WTIP: variants seen among roughly 807,000 people sequenced by gnomAD.
The protein encoded by WTIP is Wilms tumor protein 1-interacting protein.
In WTIP, 23 loss-of-function variants were observed where a neutral mutation model predicts 41.7. The observed-to-expected ratio is 0.55, with a 90% CI of 0.40 to 0.78. The LOEUF is 0.78. WTIP is among the 30% of genes least tolerant of loss of function. The probability of loss-of-function intolerance (pLI) is 0.00; values close to 1 mark genes in which losing one functional copy is unlikely to be tolerated. For missense variants in WTIP, 619 were observed against 610.5 expected (o/e 1.01, Z -0.15); for synonymous variants, 314 against 269.9 (o/e 1.16, Z -1.60).
intron 1 of WTIP, among the ~76,000 whole-genome samples, chr19:34,484,245 TGAG>T (rs2075786201): frequency 6.6e-6 from 1 of 151,064 alleles, no homozygotes; most frequent in Non-Finnish European, 1.5e-5. Context: ...TCTTGAGGGG[TGAG>T]GAGTCTGTCA....
intron 7 of WTIP, among the ~76,000 whole-genome samples, chr19:34,498,315 T>C (rs568399389): frequency 6.6e-6 from 1 of 152,224 alleles, no homozygotes; most frequent in Non-Finnish European, 1.5e-5. Context: ...GGGGTGGCAT[T>C]CATCCCTTCA....
rs1180504315 is a variant in WTIP, at chr19:34,503,601, A to ACCTGTG, written c.*3343_*3348dup. ...CCCCACTGATGTGGTCTCTGCTGAC[A>ACCTGTG]CCTGTGCCTGTGCCTGGGGTCCCTG... On this transcript the variant is annotated 3_prime_UTR_variant, in exon 8 of 8. Coordinates refer to ENST00000590071, the MANE Select transcript of WTIP (RefSeq NM_001080436.2). 6.5e-6 allele frequency: 1 copy of ACCTGTG among 152,720 alleles called. No individual in the cohort carries two copies. Among genetic ancestry groups the ACCTGTG allele is most frequent in the Admixed American group, 6.5e-5 (1 of 15,278 alleles). The allele number at this position is 152,720 out of a possible 1,614,324, so 9.5% of individuals were successfully genotyped here.
chr19:34,488,618 C>T (rs1390348996), intron 1 of WTIP, among the ~76,000 whole-genome samples: 3 of 152,210 alleles, frequency 2.0e-5, no homozygotes, highest in East Asian at 2.0e-4. Flanking sequence ...CCTCCCACTT[C>T]GGCCTCCCAA....
chr19:34,497,764 A>G (rs1298329194), intron 7 of WTIP, among the ~76,000 whole-genome samples: 2 of 152,158 alleles, frequency 1.3e-5, no homozygotes, highest in Non-Finnish European at 2.9e-5. Context: ...CGATTGTGTC[A>G]GGGTACCCAG....
intron 7 of WTIP, 44 bp from the exon 8 acceptor site, chr19:34,500,085 G>A (rs765865322): frequency 3.8e-6 from 6 of 1,590,770 alleles, no homozygotes; most frequent in East Asian, 4.5e-5. Flanking sequence ...TCTGATGTGC[G>A]CTTGTCTGCT....
Position 34,504,226 on chromosome 19 carries a change from A to G in WTIP, c.*3957A>G, listed in dbSNP as rs887371845. The G allele has an allele frequency of 3.2e-5, 4 of 124,194 alleles. No individual in the cohort carries two copies. The highest frequency in any genetic ancestry group is 1.8e-4 in the African/African-American group (4 of 22,726). 7.7% of individuals were successfully genotyped at this position (124,194 alleles called of 1,614,324 possible). On this transcript the variant is annotated 3_prime_UTR_variant, in exon 8 of 8. Coordinates refer to ENST00000590071, the MANE Select transcript of WTIP (RefSeq NM_001080436.2). Reference sequence around the variant, plus strand: ...AGGGGGAAAGATACGGAGACAGGATAAGCTGCAGAGAGAGAGGGAGAGAGG... The same window carrying G: ...AGGGGGAAAGATACGGAGACAGGATGAGCTGCAGAGAGAGAGGGAGAGAGG...
chr19:34,492,935 C>A, intron 2 of WTIP, 102 bp from the exon 3 acceptor site: 1 of 1,121,976 alleles, frequency 8.9e-7, no homozygotes, highest in Admixed American at 1.8e-5. Context: ...CACCCATAAC[C>A]CAGTGTCTCA....
At chr19:34,486,368 G>GTTT (rs958334274) in intron 1 of WTIP, among the ~76,000 whole-genome samples, 2 of 132,034 alleles carry the variant, frequency 1.5e-5, no homozygotes, top group African/African-American at 2.8e-5. Context: ...TTGTCAGTTT[G>GTTT]TTTTTTTTTT....
intron 1 of WTIP, among the ~76,000 whole-genome samples, chr19:34,483,699 C>G (rs1034746174): frequency 2.0e-5 from 3 of 152,214 alleles, no homozygotes; most frequent in African/African-American, 7.2e-5. Flanking sequence ...CCCAGGCCCC[C>G]TGATCTCTAG....
Position 34,482,384 on chromosome 19 carries a change from T to C in WTIP, c.410T>C (p.Val137Ala). The C allele has an allele frequency of 1.5e-6, 2 of 1,355,320 alleles. No individual in the cohort carries two copies. Among genetic ancestry groups the C allele is most frequent in the Non-Finnish European group, 1.9e-6 (2 of 1,050,950 alleles). 84.0% of individuals were successfully genotyped at this position (1,355,320 alleles called of 1,614,324 possible). ...CGTCCCGGTCCCGGGCCGCCTTCGG[T>C]GGGCAGCGCCCGCTCCAGCGTTTCC... Reference protein sequence around the residue: ...DPRPGPGPPSVGSARSSVSSL... With the variant: ...DPRPGPGPPSAGSARSSVSSL... The change falls in exon 1 of 8, where the codon GTG becomes GCG. Residue 137 changes from valine to alanine, a missense_variant. Val to Ala is a moderately conservative substitution (Grantham distance 64, BLOSUM62 0). This residue lies in a region of WTIP where 363 missense variants were observed against 309.0 expected (regional missense o/e 1.17). Transcript: ENST00000590071.
chr19:34,483,673 C>T (rs182515984), intron 1 of WTIP, among the ~76,000 whole-genome samples: 1 of 152,230 alleles, frequency 6.6e-6, no homozygotes, highest in Non-Finnish European at 1.5e-5. Context: ...CTCACAGCCT[C>T]CACTTCCCAG....
chr19:34,492,842 G>A (rs534250223), intron 2 of WTIP, among the ~76,000 whole-genome samples, 195 bp from the exon 3 acceptor site: 2 of 151,866 alleles, frequency 1.3e-5, no homozygotes, highest in African/African-American at 2.4e-5. Flanking sequence ...TAACTCTGTC[G>A]ACAATGTGTT....
Position 34,507,487 on chromosome 19 carries a change from T to C in WTIP, c.*7218T>C, listed in dbSNP as rs2075917263. The C allele has an allele frequency of 6.6e-6, 1 of 151,684 alleles. No individual in the cohort carries two copies. Among genetic ancestry groups the C allele is most frequent in the African/African-American group, 2.4e-5 (1 of 41,292 alleles). 9.4% of individuals were successfully genotyped at this position (151,684 alleles called of 1,614,324 possible). On this transcript the variant is annotated 3_prime_UTR_variant, in exon 8 of 8. Coordinates refer to ENST00000590071, the MANE Select transcript of WTIP (RefSeq NM_001080436.2). ...TTTGGATGCCAGTTGAATCTGTGTC[T>C]TGTGCCCCCTGAGGGTCTGCCCGGT...
intron 6 of WTIP, 63 bp downstream of exon 6, chr19:34,494,700 C>T: frequency 1.3e-6 from 2 of 1,564,758 alleles, no homozygotes; most frequent in Admixed American, 1.9e-5. Flanking sequence ...TCCTGTCTAG[C>T]CTGGGTCTAG....
intron 1 of WTIP, among the ~76,000 whole-genome samples, chr19:34,488,257 G>T (rs1429786071): frequency 3.3e-5 from 5 of 152,074 alleles, no homozygotes; most frequent in African/African-American, 9.7e-5. Flanking sequence ...TGTATCTTTA[G>T]TAGAGATGGT....
chr19:34,500,223 A>G lies in WTIP; in HGVS notation c.1247A>G (p.Gln416Arg). 1 of 1,607,760 alleles carries G rather than the reference A, an allele frequency of 6.2e-7. No individual in the cohort carries two copies. Among genetic ancestry groups the G allele is most frequent in the Non-Finnish European group, 8.5e-7 (1 of 1,179,542 alleles). ...LCRRCHLRRL[Q>R]PGPLPSPTVH... The stretch of plus-strand genomic sequence containing the variant: ...CGTCGTTGCCACCTGCGGCGCCTCC[A>G]ACCTGGGCCTCTTCCCTCACCCACT... Residue 416 changes from glutamine to arginine, a missense_variant, in exon 8 of 8, where the codon CAA becomes CGA. Transcript: ENST00000590071.
intron 1 of WTIP, among the ~76,000 whole-genome samples, chr19:34,484,954 A>AAG: frequency 6.6e-6 from 1 of 151,630 alleles, no homozygotes; most frequent in East Asian, 1.9e-4. Context: ...AAAAAAAAAA[A>AAG]AGCTGCTCAG....
intron 1 of WTIP, among the ~76,000 whole-genome samples, chr19:34,484,729 G>C (rs2075788755): frequency 6.6e-6 from 1 of 152,062 alleles, no homozygotes; most frequent in Non-Finnish European, 1.5e-5. Context: ...GTAATGTGGA[G>C]ATGATACAAG....
At position 34,490,491 on chromosome 19, in the gene WTIP, T is replaced by G. The variant is rs769754244; in HGVS notation, c.769+14T>G. On this transcript the variant is annotated intron_variant, in intron 2 of 7. Coordinates refer to ENST00000590071, the MANE Select transcript of WTIP (RefSeq NM_001080436.2). ...GCGACTCGTGTGGTAGGTAACCTCGTGCCCTGGGTAGCTCTGTGAAGGGGA... is the reference window on the plus strand; with the variant it reads ...GCGACTCGTGTGGTAGGTAACCTCGGGCCCTGGGTAGCTCTGTGAAGGGGA... The G allele has an allele frequency of 3.7e-6, 6 of 1,612,808 alleles. No individual in the cohort carries two copies. In the South Asian group the frequency reaches 6.6e-5, roughly 18 times the overall value.
Sources: gnomAD v4.1 joint callset for allele counts (sites outside exome capture counted in the v4.1 genomes callset) on GRCh38, gnomAD v4.1.1 for gene constraint, gnomAD v4.1.1 regional missense constraint, MANE v1.5 for transcripts, NCBI Gene and HGNC (gene_info 2026-07-23, HGNC 2026-07-21) for gene names.